Variants in ST8SIA5 observed in about 807,000 individuals in gnomAD.
ST8SIA5 encodes the protein ST8 alpha-N-acetyl-neuraminide alpha-2,8-sialyltransferase 5.
ST8SIA5 carries 24 observed loss-of-function variants against 40.2 expected under a neutral mutation model. The ratio of observed to expected loss-of-function variants is 0.60; its 90% CI spans 0.43 to 0.84. ST8SIA5 has a LOEUF of 0.84. Ranked by LOEUF, ST8SIA5 falls within the 40% of genes least tolerant of loss-of-function variation. The pLI is 0.00. For missense variants in ST8SIA5, 465 were observed against 498.5 expected (o/e 0.93, Z 0.64); for synonymous variants, 198 against 201.8 (o/e 0.98, Z 0.16).
intron 1 of ST8SIA5, among the ~76,000 whole-genome samples, chr18:46,708,058 T>C (rs2039686894): frequency 6.6e-6 from 1 of 152,088 alleles, no homozygotes; most frequent in Admixed American, 6.5e-5. Flanking sequence ...TGCGACAGGG[T>C]TGAGAAAAAA....
At chr18:46,733,474 C>A (rs986562078) in intron 1 of ST8SIA5, among the ~76,000 whole-genome samples, 1 of 152,170 alleles carries the variant, frequency 6.6e-6, no homozygotes, top group Non-Finnish European at 1.5e-5. Context: ...CAACAGCGAG[C>A]AAGCCACCAA....
At chr18:46,717,350 T>C (rs2039803002) in intron 1 of ST8SIA5, among the ~76,000 whole-genome samples, 1 of 152,156 alleles carries the variant, frequency 6.6e-6, no homozygotes, top group South Asian at 2.1e-4. Flanking sequence ...CTACTTTTTT[T>C]TTTAGACGGA....
At chr18:46,740,021 T>C (rs926534296) in intron 1 of ST8SIA5, among the ~76,000 whole-genome samples, 4 of 152,180 alleles carry the variant, frequency 2.6e-5, no homozygotes, top group African/African-American at 9.7e-5. Context: ...CCTTCTCTCT[T>C]TCTCAGATAT....
At position 46,756,584 on chromosome 18, in the gene ST8SIA5, G is replaced by T; in HGVS notation, c.-76C>A. On this transcript the variant is annotated 5_prime_UTR_variant, in exon 1 of 7. Coordinates refer to ENST00000315087, the MANE Select transcript of ST8SIA5 (RefSeq NM_013305.6). Reference sequence around the variant, plus strand: ...CTCGCGGGGTTCCGGGGCCCCGGGGGGCGCGCGGCCGACTTGGCGCCTCAC... The same window carrying T: ...CTCGCGGGGTTCCGGGGCCCCGGGGTGCGCGCGGCCGACTTGGCGCCTCAC... The T allele has an allele frequency of 1.3e-6, 2 of 1,501,412 alleles. No individual in the cohort carries two copies. Among genetic ancestry groups the T allele is most frequent in the Non-Finnish European group, 1.8e-6 (2 of 1,124,510 alleles). 93.0% of individuals were successfully genotyped at this position (1,501,412 alleles called of 1,614,324 possible). A position where few individuals can be genotyped will look rare whatever the true frequency, so the allele number is the denominator to read the frequency against.
intron 2 of ST8SIA5, among the ~76,000 whole-genome samples, chr18:46,694,179 G>A (rs1380317199): frequency 6.6e-6 from 1 of 152,164 alleles, no homozygotes; most frequent in Non-Finnish European, 1.5e-5. Context: ...ACAATTGGGC[G>A]AGCCCTTCCT....
In ST8SIA5 at chr18:46,677,555, G is replaced by C. The variant is rs1244505997; in HGVS notation, c.*2487C>G. The C allele has an allele frequency of 6.6e-6, 1 of 152,216 alleles. No homozygotes were observed. The highest frequency in any genetic ancestry group is 1.5e-5 in the Non-Finnish European group (1 of 68,038). The allele number at this position is 152,216 out of a possible 1,614,324, so 9.4% of individuals were successfully genotyped here. On this transcript the variant is annotated 3_prime_UTR_variant, in exon 7 of 7. Transcript: ENST00000315087. ...CCCCCCAAAATAAGGACATTGTACA[G>C]ACGCTGAAGATTTTTACAAAGCTTC... is the stretch of plus-strand genomic sequence containing the variant.
At chr18:46,696,580 C>CT (rs1464101210) in intron 2 of ST8SIA5, among the ~76,000 whole-genome samples, 1 of 152,238 alleles carries the variant, frequency 6.6e-6, no homozygotes, top group Non-Finnish European at 1.5e-5. Flanking sequence ...TTTAATCTCT[C>CT]TGAGACTCAG....
rs35380817 is a variant in ST8SIA5, at chr18:46,672,618, TA to T, written c.*7423del. 0.52 allele frequency: 75,144 copies of T among 143,594 alleles called. 18,963 individuals are homozygous for T. Among genetic ancestry groups the T allele is most frequent in the South Asian group, 0.62 (2,834 of 4,596 alleles). 8.9% of individuals were successfully genotyped at this position (143,594 alleles called of 1,614,324 possible). A position where few individuals can be genotyped will look rare whatever the true frequency, so the allele number is the denominator to read the frequency against. On this transcript the variant is annotated 3_prime_UTR_variant, in exon 7 of 7. Coordinates refer to ENST00000315087, the MANE Select transcript of ST8SIA5 (RefSeq NM_013305.6). Reference sequence around the variant, plus strand: ...TGCTTTTGGTTTTTTTCCTTTGAAATAAAAAAAAAAAAAAAGAAAGGTTCTC... The same window carrying T: ...TGCTTTTGGTTTTTTTCCTTTGAAATAAAAAAAAAAAAAAGAAAGGTTCTC...
intron 1 of ST8SIA5, among the ~76,000 whole-genome samples, chr18:46,725,982 T>TATATATATATATATATATCCTGG (rs2039919727): frequency 2.2e-5 from 1 of 46,490 alleles, no homozygotes; most frequent in African/African-American, 8.8e-5. Context: ...AATATATATA[T>TATATATATATATATATATCCTGG]ATATATATAT....
At chr18:46,682,979 C>T (rs1003107725) in intron 5 of ST8SIA5, among the ~76,000 whole-genome samples, 2 of 152,184 alleles carry the variant, frequency 1.3e-5, no homozygotes, top group African/African-American at 4.8e-5. Flanking sequence ...CTTCTGACCT[C>T]CAAGACTGTA....
intron 1 of ST8SIA5, chr18:46,731,574 A>G (rs565087089): frequency 6.6e-6 from 1 of 152,428 alleles, no homozygotes; most frequent in South Asian, 2.1e-4. Context: ...CTGATCTGAA[A>G]GTCCTTCCTG....
At chr18:46,700,830 G>C (rs927018945) in intron 2 of ST8SIA5, among the ~76,000 whole-genome samples, 3 of 152,166 alleles carry the variant, frequency 2.0e-5, no homozygotes, top group African/African-American at 7.2e-5. Context: ...GTCCATAACA[G>C]GGACAAGTGA....
chr18:46,688,971 G>A (rs747815421), intron 3 of ST8SIA5, 52 bp from the exon 4 acceptor site: 2 of 1,576,444 alleles, frequency 1.3e-6, no homozygotes, highest in Non-Finnish European at 1.7e-6. Flanking sequence ...AAGATGTGAT[G>A]GAGGGCAGAG....
intron 1 of ST8SIA5, chr18:46,730,093 T>G (rs2144543972): frequency 1.1e-6 from 1 of 870,326 alleles, no homozygotes; most frequent in Admixed American, 6.2e-5. Context: ...TATCAGTGCC[T>G]CTCCATCAGT....
intron 1 of ST8SIA5, among the ~76,000 whole-genome samples, chr18:46,726,138 G>T (rs981414599): frequency 8.1e-5 from 12 of 147,986 alleles, no homozygotes; most frequent in South Asian, 2.1e-4. Context: ...AGGCTGCAGT[G>T]AGCCGAGATT....
chr18:46,705,129 A>G (rs1017792409), intron 1 of ST8SIA5, among the ~76,000 whole-genome samples: 2 of 152,148 alleles, frequency 1.3e-5, no homozygotes, highest in African/African-American at 4.8e-5. Context: ...TCGTGCCTAC[A>G]CTGTGACATA....
intron 1 of ST8SIA5, among the ~76,000 whole-genome samples, chr18:46,715,553 A>ATTTTTTTTTTTTTTTTTTT (rs36007614): frequency 6.8e-6 from 1 of 146,300 alleles, no homozygotes. Flanking sequence ...GAAGTGATCT[A>ATTTTTTTTTTTTTTTTTTT]TTTTTTTTTT....
intron 6 of ST8SIA5, among the ~76,000 whole-genome samples, chr18:46,680,857 C>T (rs954906901): frequency 1.3e-5 from 2 of 152,200 alleles, no homozygotes; most frequent in African/African-American, 4.8e-5. Flanking sequence ...AGAGGCCTCA[C>T]GCCATTCACC....
At chr18:46,723,958 T>C (rs1296380993) in intron 1 of ST8SIA5, among the ~76,000 whole-genome samples, 1 of 152,100 alleles carries the variant, frequency 6.6e-6, no homozygotes, top group Non-Finnish European at 1.5e-5. Context: ...GAATTTTTTT[T>C]CAATAAAACC....
Sources: allele counts gnomAD v4.1 joint callset (sites outside exome capture counted in the v4.1 genomes callset), GRCh38; gene constraint gnomAD v4.1.1; transcripts MANE v1.5; gene names NCBI Gene and HGNC (gene_info 2026-07-23, HGNC 2026-07-21).